The following COL4A6 variants were observed in gnomAD, a reference collection of about 807,000 sequenced individuals.
The protein encoded by COL4A6 is collagen alpha-6(IV) chain.
COL4A6 carries 59 observed loss-of-function variants against 126.7 expected under a neutral mutation model. The observed-to-expected ratio is 0.47, with a 90% CI of 0.38 to 0.58. The LOEUF (loss-of-function observed/expected upper bound fraction) is 0.58. COL4A6 is among the 20% of genes least tolerant of loss of function. The pLI is 0.00. For synonymous variants in COL4A6, 547 were observed against 496.6 expected, an observed-to-expected ratio of 1.10 and a Z score of -1.35; for missense variants, 1,285 against 1,337.3, an observed-to-expected ratio of 0.96 and a Z score of 0.61.
intron 2 of COL4A6, among the ~76,000 whole-genome samples, chrX:108,368,374 C>T (rs1306607295): frequency 9.0e-6 from 1 of 111,120 alleles, no homozygotes; most frequent in Non-Finnish European, 1.9e-5. Flanking sequence ...CTGTCTAGGG[C>T]ACTTACCATG....
chrX:108,290,596 A>G (rs2038134741), intron 3 of COL4A6, among the ~76,000 whole-genome samples: 1 of 108,870 alleles, frequency 9.2e-6, no homozygotes, highest in East Asian at 3.1e-4. Flanking sequence ...ATAAATTTGG[A>G]ATTATTAATA....
chrX:108,343,165 A>AGTGTGTGTGT lies in COL4A6; in HGVS notation c.64-32347_64-32338dup, dbSNP rs55685604. 3.4e-3 allele frequency among the ~76,000 whole-genome samples: 107 copies of AGTGTGTGTGT among 31,374 alleles called. 2 individuals are homozygous for AGTGTGTGTGT. The highest frequency in any genetic ancestry group is 9.3e-3 in the African/African-American group (102 of 11,004). The allele number at this position is 31,374 out of a possible 115,157, so 27.2% of individuals were successfully genotyped here. On this transcript the variant is annotated intron_variant, in intron 2 of 44. Coordinates refer to ENST00000334504, the MANE Select transcript of COL4A6 (RefSeq NM_033641.4). ...TATATATATATATATATATATATAT[A>AGTGTGTGTGT]GTGTGTGTGTGTGTGTGTGTGTGTG...
At chrX:108,194,624 A>G (rs935244338) in intron 15 of COL4A6, 37 bp from the exon 16 acceptor site, 4 of 1,161,367 alleles carry the variant, frequency 3.4e-6, no homozygotes, top group African/African-American at 1.8e-5. Flanking sequence ...AGTGGAAAGT[A>G]TGAGAGCATA....
intron 8 of COL4A6, among the ~76,000 whole-genome samples, chrX:108,209,617 T>A (rs2035643564): frequency 8.9e-6 from 1 of 112,276 alleles, no homozygotes; most frequent in South Asian, 3.7e-4. Flanking sequence ...TTTAAAGCAA[T>A]GTGCTCTACT....
intron 3 of COL4A6, among the ~76,000 whole-genome samples, chrX:108,273,118 C>T (rs1382584398): frequency 3.6e-5 from 4 of 110,016 alleles, no homozygotes; most frequent in East Asian, 5.7e-4. Flanking sequence ...CGGTGTGTGA[C>T]GTTCCCCATC....
intron 2 of COL4A6, among the ~76,000 whole-genome samples, chrX:108,338,260 T>G (rs1455399640): frequency 8.9e-6 from 1 of 112,080 alleles, no homozygotes; most frequent in Non-Finnish European, 1.9e-5. Context: ...TTCATCAATT[T>G]TCTTCAAACA....
Position 108,175,731 on chromosome X carries a change from G to T in COL4A6, c.2753C>A (p.Thr918Lys), listed in dbSNP as rs1268332100. Residue 918 changes from threonine (T) to lysine (K), a missense_variant, in exon 29 of 45, where the codon ACA becomes AAA. Physicochemically the swap from Thr to Lys is moderately conservative, Grantham distance 78 (BLOSUM62 -1). Transcript: ENST00000334504. ...TCCTGGAATTCCTTTTAATCCTCTT[G>T]TTCCAGGAATACCAGGCAGACCTGG... ...GIPGLPGIPG[T>K]RGLKGIPGST... is the part of the protein sequence containing the mutation. The T allele has an allele frequency of 8.4e-7, 1 of 1,195,903 alleles. No individual in the cohort carries two copies. Among genetic ancestry groups the T allele is most frequent in the Non-Finnish European group, 1.1e-6 (1 of 882,554 alleles).
intron 3 of COL4A6, among the ~76,000 whole-genome samples, chrX:108,230,605 G>A (rs971685732): frequency 1.8e-5 from 2 of 112,125 alleles, no homozygotes; most frequent in African/African-American, 6.5e-5. Flanking sequence ...AATGTGGTAA[G>A]AAAGATACTA....
intron 2 of COL4A6, among the ~76,000 whole-genome samples, chrX:108,405,107 T>C (rs1033941238): frequency 1.1e-4 from 12 of 112,038 alleles, no homozygotes; most frequent in Non-Finnish European, 1.5e-4. Flanking sequence ...GTCTATTCCT[T>C]ATCCTCTGCA....
intron 3 of COL4A6, among the ~76,000 whole-genome samples, chrX:108,232,322 A>C (rs1212238854): frequency 8.9e-6 from 1 of 111,926 alleles, no homozygotes; most frequent in East Asian, 2.8e-4. Context: ...AAAATCACAT[A>C]AAACTGTAAA....
chrX:108,356,065 A>C (rs1490376611), intron 2 of COL4A6, among the ~76,000 whole-genome samples: 2 of 108,582 alleles, frequency 1.8e-5, no homozygotes, highest in Non-Finnish European at 3.8e-5. Context: ...GTCATTTAGC[A>C]TTAGGTATAT....
intron 2 of COL4A6, among the ~76,000 whole-genome samples, chrX:108,429,890 T>A (rs1015087570): frequency 1.8e-5 from 2 of 111,599 alleles, no homozygotes; most frequent in African/African-American, 6.5e-5. Flanking sequence ...ATTTTTAAGA[T>A]AGACAGGGAG....
chrX:108,377,829 C>T (rs966867009), intron 2 of COL4A6, among the ~76,000 whole-genome samples: 7 of 105,496 alleles, frequency 6.6e-5, no homozygotes, highest in African/African-American at 2.4e-4. Flanking sequence ...GTAGTCCTAG[C>T]TACTAGCGAG....
chrX:108,265,214 A>G (rs151181776), intron 3 of COL4A6, among the ~76,000 whole-genome samples: 1,509 of 111,130 alleles, frequency 0.014, 23 homozygotes, highest in African/African-American at 0.047. Flanking sequence ...ATTCCTGGAC[A>G]TTCAGCATCA....
At chrX:108,175,031 C>T in intron 30 of COL4A6, 59 bp downstream of exon 30, 1 of 1,115,405 alleles carries the variant, frequency 9.0e-7, no homozygotes, top group Admixed American at 3.0e-5. Context: ...AGAAGGAAGC[C>T]AAGTTTGGTT....
chrX:108,178,821 A>G lies in COL4A6; in HGVS notation c.2378T>C (p.Leu793Pro). The G allele has an allele frequency of 1.7e-6, 2 of 1,210,373 alleles. No individual in the cohort carries two copies. The highest frequency in any genetic ancestry group is 2.2e-6 in the Non-Finnish European group (2 of 895,081). Reference protein sequence around the residue: ...LKGVHGKPGLLGPKGERGSPG... With the variant: ...LKGVHGKPGLPGPKGERGSPG... ...GCTGCCCCGCTCACCTTTGGGGCCT[A>G]GTAAGCCAGGCTTCCCGTGCACACC... The change falls in exon 27 of 45, where the codon CTA (leucine) becomes CCA (proline). Residue 793 changes from leucine (L) to proline (P), a missense_variant. By Grantham distance (98) the Leu-to-Pro change is moderately conservative (BLOSUM62 -3). Coordinates refer to ENST00000334504, the MANE Select transcript of COL4A6 (RefSeq NM_033641.4).
At chrX:108,172,365 G>GAAAAAAAAAA (rs397935341) in intron 32 of COL4A6, 104 bp downstream of exon 32, 4 of 111,301 alleles carry the variant, frequency 3.6e-5, no homozygotes, top group African/African-American at 7.9e-5. Context: ...GCCTAAAAAA[G>GAAAAAAAAAA]AAAAAAAAAA....
At chrX:108,281,035 A>G in intron 3 of COL4A6, among the ~76,000 whole-genome samples, 1 of 104,117 alleles carries the variant, frequency 9.6e-6, no homozygotes, top group African/African-American at 3.5e-5. Context: ...CACAGCCAAT[A>G]TCATACTGAA....
chrX:108,401,042 C>T (rs924597279), intron 2 of COL4A6, among the ~76,000 whole-genome samples: 13 of 111,028 alleles, frequency 1.2e-4, no homozygotes, highest in African/African-American at 4.2e-4. Flanking sequence ...TTATTATACC[C>T]GATGTATATT....
Sources: gnomAD v4.1 joint callset for allele counts (sites outside exome capture counted in the v4.1 genomes callset) on GRCh38, gnomAD v4.1.1 for gene constraint, MANE v1.5 for transcripts, NCBI Gene and HGNC (gene_info 2026-07-23, HGNC 2026-07-21) for gene names.